The following COBL variants were observed in gnomAD, a reference collection of about 807,000 sequenced individuals.
The protein encoded by COBL is cordon-bleu WH2 repeat protein.
In COBL, 51 loss-of-function variants were observed where a neutral mutation model predicts 98.8. The observed-to-expected ratio is 0.52, with a 90% CI of 0.41 to 0.65. COBL has a LOEUF of 0.65. Among genes scored for constraint, COBL ranks in the 30% least tolerant of loss-of-function variants. The probability of loss-of-function intolerance (pLI) is 0.00; values close to 1 mark genes in which losing one functional copy is unlikely to be tolerated. For missense variants in COBL, 1,617 were observed against 1,617.5 expected, an observed-to-expected ratio of 1.00 and a Z score of 0.01; for synonymous variants, 634 against 651.7, an observed-to-expected ratio of 0.97 and a Z score of 0.41.
intron 1 of COBL, among the ~76,000 whole-genome samples, chr7:51,303,296 C>A (rs963623329): frequency 6.6e-6 from 1 of 152,180 alleles, no homozygotes; most frequent in Non-Finnish European, 1.5e-5. Flanking sequence ...CGTGGTGGCT[C>A]ACACCTGTAA....
chr7:51,119,918 T>C (rs1797600446), intron 6 of COBL, among the ~76,000 whole-genome samples: 1 of 152,156 alleles, frequency 6.6e-6, no homozygotes, highest in Non-Finnish European at 1.5e-5. Context: ...TTTGAGTGAC[T>C]TGCCCAAAGT....
At chr7:51,164,004 A>G (rs1354898633) in intron 5 of COBL, among the ~76,000 whole-genome samples, 3 of 152,246 alleles carry the variant, frequency 2.0e-5, no homozygotes, top group Admixed American at 6.5e-5. Context: ...AGGTGTAGTA[A>G]CAAACTTTTG....
rs146503232 is a variant in COBL at position 51,067,602 on chromosome 7, G to A, written c.1096+17564C>T. 7.2e-3 allele frequency among the ~76,000 whole-genome samples: 1,099 copies of A among 152,290 alleles called. 2 individuals carry two copies. The highest frequency in any genetic ancestry group is 9.6e-3 in the Non-Finnish European group (655 of 68,004). On this transcript the variant is annotated intron_variant, in intron 7 of 12. Transcript: ENST00000265136. ...GAACCACTAGTCACACTGTAACAGAGGATGGGGAGTCAGCCATCTGAGCAC... is the reference window on the plus strand; with the variant it reads ...GAACCACTAGTCACACTGTAACAGAAGATGGGGAGTCAGCCATCTGAGCAC...
chr7:51,045,611 T>C (rs1417820532), intron 7 of COBL, among the ~76,000 whole-genome samples: 1 of 152,182 alleles, frequency 6.6e-6, no homozygotes, highest in Non-Finnish European at 1.5e-5. Flanking sequence ...TTAACAAATG[T>C]GTCCCCACTA....
intron 2 of COBL, among the ~76,000 whole-genome samples, chr7:51,209,267 C>T (rs74975388): frequency 1.3e-5 from 2 of 152,178 alleles, no homozygotes; most frequent in African/African-American, 2.4e-5. Flanking sequence ...CTCATTGATA[C>T]AAACAACGCT....
intron 7 of COBL, among the ~76,000 whole-genome samples, chr7:51,044,707 A>G (rs1177625900): frequency 6.6e-6 from 1 of 152,218 alleles, no homozygotes; most frequent in Non-Finnish European, 1.5e-5. Context: ...TAGTCACTGG[A>G]TGCCCAAAGT....
intron 12 of COBL, among the ~76,000 whole-genome samples, chr7:51,020,259 G>A (rs1016785309): frequency 4.6e-5 from 7 of 152,302 alleles, no homozygotes; most frequent in African/African-American, 1.7e-4. Flanking sequence ...AAGGTGTCGG[G>A]GTAGATGCTT....
chr7:51,287,804 A>G (rs1020890149), intron 1 of COBL, among the ~76,000 whole-genome samples: 4 of 152,126 alleles, frequency 2.6e-5, no homozygotes, highest in African/African-American at 9.7e-5. Flanking sequence ...ACTCTGCATA[A>G]TAACTGGGCT....
At chr7:51,202,954 T>C (rs1342573227) in intron 2 of COBL, among the ~76,000 whole-genome samples, 4 of 151,958 alleles carry the variant, frequency 2.6e-5, no homozygotes, top group East Asian at 3.9e-4. Flanking sequence ...GGCAGGAGAA[T>C]TGTTTGAACC....
chr7:51,092,349 A>G (rs1215965093), intron 6 of COBL, among the ~76,000 whole-genome samples: 1 of 152,196 alleles, frequency 6.6e-6, no homozygotes, highest in African/African-American at 2.4e-5. Context: ...CAATAAATCA[A>G]TGCCGAGGCC....
intron 6 of COBL, among the ~76,000 whole-genome samples, chr7:51,106,382 G>C (rs1011611574): frequency 6.6e-6 from 1 of 152,070 alleles, no homozygotes; most frequent in Non-Finnish European, 1.5e-5. Flanking sequence ...GTGTGTAAGG[G>C]GCATGTTTGC....
chr7:51,206,491 CAA>C (rs1216887855), intron 2 of COBL, among the ~76,000 whole-genome samples: 27 of 101,128 alleles, frequency 2.7e-4, no homozygotes, highest in Non-Finnish European at 2.2e-4. Flanking sequence ...GACTCTGTCT[CAA>C]AAAAAAAAAA....
chr7:51,195,540 A>T (rs928052835), intron 2 of COBL, among the ~76,000 whole-genome samples: 1 of 152,158 alleles, frequency 6.6e-6, no homozygotes, highest in African/African-American at 2.4e-5. Context: ...AGTTTTTTCT[A>T]GTTCTGTGAA....
intron 2 of COBL, among the ~76,000 whole-genome samples, chr7:51,216,512 T>C (rs1793067684): frequency 6.6e-6 from 1 of 152,188 alleles, no homozygotes. Context: ...AATGATGGGA[T>C]TGTGGCCTCT....
At chr7:51,230,384 C>T (rs765507774) in intron 1 of COBL, among the ~76,000 whole-genome samples, 18 of 152,156 alleles carry the variant, frequency 1.2e-4, no homozygotes, top group Non-Finnish European at 2.2e-4. Context: ...CTTCTTCCTC[C>T]CAAGGCCAAA....
intron 7 of COBL, among the ~76,000 whole-genome samples, chr7:51,044,923 G>C (rs775641542): frequency 7.2e-5 from 11 of 152,168 alleles, no homozygotes; most frequent in Admixed American, 1.3e-4. Flanking sequence ...ACAGTTTAAA[G>C]AATATACATT....
rs528388235 is a variant in COBL at position 51,269,081 on chromosome 7, C to A, written c.41+47512G>T. 2.6e-5 allele frequency among the ~76,000 whole-genome samples: 4 copies of A among 152,116 alleles called. No homozygotes were observed. The South Asian group carries it at 6.3e-4, about 24-fold the overall frequency. ...CAGAAGGCGCCAGCACCCAGCCACC[C>A]GCTGCAGCAGGCTCTGTATAGCTGC... On this transcript the variant is annotated intron_variant, in intron 1 of 12. Coordinates refer to ENST00000265136, the MANE Select transcript of COBL (RefSeq NM_015198.5).
At chr7:51,215,114 T>G (rs1239499401) in intron 2 of COBL, among the ~76,000 whole-genome samples, 1 of 152,182 alleles carries the variant, frequency 6.6e-6, no homozygotes, top group African/African-American at 2.4e-5. Context: ...ATCACATGCT[T>G]TAATCCATCA....
chr7:51,278,254 G>A (rs1036834042), intron 1 of COBL, among the ~76,000 whole-genome samples: 10 of 152,082 alleles, frequency 6.6e-5, no homozygotes, highest in African/African-American at 4.8e-5. Context: ...TTGAGAAGCC[G>A]TCCCAAGGAA....
Sources: gnomAD v4.1 joint callset for allele counts (sites outside exome capture counted in the v4.1 genomes callset) on GRCh38, gnomAD v4.1.1 for gene constraint, MANE v1.5 for transcripts, NCBI Gene and HGNC (gene_info 2026-07-23, HGNC 2026-07-21) for gene names.